Variants in CALN1 observed in about 807,000 individuals in gnomAD.
CALN1 encodes the protein calcium-binding protein 8.
CALN1 carries 17 observed loss-of-function variants against 30.6 expected under a neutral mutation model. The ratio of observed to expected loss-of-function variants is 0.56; its 90% CI spans 0.38 to 0.83. The LOEUF (loss-of-function observed/expected upper bound fraction) is 0.83, where lower values mean the gene tolerates loss of function less well. Among genes scored for constraint, CALN1 ranks in the 40% least tolerant of loss-of-function variants. CALN1 has a pLI of 0.00. For missense variants in CALN1, 291 were observed against 354.9 expected, an observed-to-expected ratio of 0.82 and a Z score of 1.45; for synonymous variants, 156 against 131.4, an observed-to-expected ratio of 1.19 and a Z score of -1.28.
At chr7:71,909,880 A>C (rs976338979) in intron 5 of CALN1, among the ~76,000 whole-genome samples, 4 of 152,216 alleles carry the variant, frequency 2.6e-5, no homozygotes, top group Admixed American at 2.0e-4. Context: ...TGCTGCAAAG[A>C]TACTACCTAA....
chr7:72,336,857 C>A, intron 2 of CALN1: 1 of 985,106 alleles, frequency 1.0e-6, no homozygotes, highest in African/African-American at 1.7e-5. Context: ...AGCAGGCAGC[C>A]GCGTCCCCGT....
intron 4 of CALN1, among the ~76,000 whole-genome samples, chr7:72,083,029 T>C (rs974700438): frequency 6.6e-6 from 1 of 151,898 alleles, no homozygotes; most frequent in Non-Finnish European, 1.5e-5. Flanking sequence ...GGCGAAACCC[T>C]GTCTCTATTA....
intron 3 of CALN1, among the ~76,000 whole-genome samples, chr7:72,244,397 C>T (rs1795029962): frequency 6.6e-6 from 1 of 152,118 alleles, no homozygotes; most frequent in South Asian, 2.1e-4. Context: ...CTACAACGTA[C>T]AAGACTGCTG....
At chr7:71,931,247 G>A (rs1275430421) in intron 5 of CALN1, among the ~76,000 whole-genome samples, 2 of 151,534 alleles carry the variant, frequency 1.3e-5, no homozygotes, top group African/African-American at 4.8e-5. Context: ...GGTAGCATAT[G>A]TTCATCTGTG....
chr7:72,287,667 T>C (rs2867673), intron 2 of CALN1, among the ~76,000 whole-genome samples: 70,221 of 151,688 alleles, frequency 0.46, 17,284 homozygotes, highest in South Asian at 0.68. Flanking sequence ...AGGATGGTCT[T>C]GATCTCCTGA....
intron 5 of CALN1, among the ~76,000 whole-genome samples, chr7:71,839,745 C>A (rs1236153225): frequency 1.3e-5 from 2 of 152,158 alleles, no homozygotes; most frequent in African/African-American, 4.8e-5. Context: ...AAGCCTCAGG[C>A]TGGCTGGACT....
rs1312331061 is a variant in CALN1, at chr7:71,784,519, G to A, written c.*3256C>T. ...TCCCGATGCTAGATTCTGTCTGGGG[G>A]CTTTGTGGGTATCTGGAAAGGTGGG... On this transcript the variant is annotated 3_prime_UTR_variant, in exon 7 of 7. Transcript: ENST00000395275. The A allele has an allele frequency of 6.7e-6, 2 of 300,178 alleles. No homozygotes were observed. Among genetic ancestry groups the A allele is most frequent in the Non-Finnish European group, 1.2e-5 (2 of 163,912 alleles). 18.6% of individuals were successfully genotyped at this position (300,178 alleles called of 1,614,324 possible). A position where few individuals can be genotyped will look rare whatever the true frequency, so the allele number is the denominator to read the frequency against.
chr7:72,462,748 T>C, the CALN1 span, among the ~76,000 whole-genome samples: 1 of 152,190 alleles, frequency 6.6e-6, no homozygotes, highest in Non-Finnish European at 1.5e-5. Context: ...TAGAGAACAG[T>C]GTCTGTGGAA....
rs535992341 is a variant in CALN1, at chr7:72,186,776, C to T, written c.245-80482G>A. ...TTTACAGTTGTGTAGTATTCTATGG[C>T]GCACATGTACCACCTTTTCTTTATG... On this transcript the variant is annotated intron_variant, in intron 3 of 6. Coordinates refer to ENST00000395275, the MANE Select transcript of CALN1 (RefSeq NM_031468.4). Among the ~76,000 whole-genome samples the T allele has an allele frequency of 9.9e-5, 15 of 151,760 alleles. No homozygotes were observed. The East Asian group carries it at 1.6e-3, about 16-fold the overall frequency.
chr7:72,191,845 A>G (rs1209406567), intron 3 of CALN1, among the ~76,000 whole-genome samples: 2 of 152,162 alleles, frequency 1.3e-5, no homozygotes, highest in Non-Finnish European at 2.9e-5. Flanking sequence ...GCTGGATGAA[A>G]TCAAGGTGTC....
intron 2 of CALN1, among the ~76,000 whole-genome samples, chr7:72,340,571 C>G (rs555170186): frequency 1.3e-5 from 2 of 152,196 alleles, no homozygotes; most frequent in Non-Finnish European, 2.9e-5. Context: ...CTTCCCTTCT[C>G]CTGCTGCAAA....
intron 4 of CALN1, among the ~76,000 whole-genome samples, chr7:72,059,797 T>A (rs973564717): frequency 6.6e-6 from 1 of 152,084 alleles, no homozygotes; most frequent in Non-Finnish European, 1.5e-5. Context: ...CCACTTAGGT[T>A]GAAAAAAAAC....
At chr7:72,045,445 T>G (rs1802404747) in intron 4 of CALN1, among the ~76,000 whole-genome samples, 1 of 152,146 alleles carries the variant, frequency 6.6e-6, no homozygotes. Flanking sequence ...CCCCAGCATA[T>G]TACATGGGAA....
Position 72,328,664 on chromosome 7 carries a change from C to G in CALN1, c.120-49854G>C, listed in dbSNP as rs1003784377. 5.3e-4 allele frequency among the ~76,000 whole-genome samples: 81 copies of G among 152,200 alleles called. 1 individual carries two copies. The highest frequency in any genetic ancestry group is 1.8e-3 in the African/African-American group (76 of 41,464). Reference sequence around the variant, plus strand: ...TTTGTAGATATAGTCTCCCAACATTCTATTCAAGGCATTGGTGATCATCGG... The same window carrying G: ...TTTGTAGATATAGTCTCCCAACATTGTATTCAAGGCATTGGTGATCATCGG... On this transcript the variant is annotated intron_variant, in intron 2 of 6. Transcript: ENST00000395275.
chr7:72,196,503 T>C (rs1270903969), intron 3 of CALN1, among the ~76,000 whole-genome samples: 2 of 152,274 alleles, frequency 1.3e-5, no homozygotes, highest in South Asian at 2.1e-4. Context: ...CAAAAAGTCA[T>C]GGAATTTCAT....
intron 5 of CALN1, among the ~76,000 whole-genome samples, chr7:71,833,916 C>CA (rs537938682): frequency 2.5e-3 from 373 of 150,656 alleles, no homozygotes; most frequent in African/African-American, 8.0e-3. Flanking sequence ...TCTTAAAAAA[C>CA]AAAAAAAAAT....
chr7:72,395,757 G>A (rs1345423310), intron 2 of CALN1, among the ~76,000 whole-genome samples: 11 of 152,194 alleles, frequency 7.2e-5, no homozygotes, highest in African/African-American at 1.7e-4. Flanking sequence ...AACCGAGAAG[G>A]AAAAGATTTG....
intron 2 of CALN1, among the ~76,000 whole-genome samples, chr7:72,370,493 A>G (rs989764119): frequency 2.0e-5 from 3 of 152,082 alleles, no homozygotes; most frequent in Non-Finnish European, 2.9e-5. Flanking sequence ...TCTCTAATAA[A>G]AACACAAAAA....
At chr7:72,416,725 A>G (rs565658683), upstream of CALN1, among the ~76,000 whole-genome samples, 23 of 112,912 alleles carry the variant, frequency 2.0e-4, no homozygotes, top group South Asian at 7.8e-3. Context: ...GCAAAGTGAG[A>G]CTCTGTCTCA....
Sources: gnomAD v4.1 joint callset for allele counts (sites outside exome capture counted in the v4.1 genomes callset) on GRCh38, gnomAD v4.1.1 for gene constraint, MANE v1.5 for transcripts, NCBI Gene and HGNC (gene_info 2026-07-23, HGNC 2026-07-21) for gene names.